The following ACACA variants were observed in gnomAD, a reference collection of about 807,000 sequenced individuals.
ACACA encodes the protein acetyl-CoA carboxylase alpha, also known as acetyl-CoA carboxylase 1.
ACACA carries 103 observed loss-of-function variants against 296.1 expected under a neutral mutation model. The observed-to-expected ratio is 0.35, with a 90% CI of 0.30 to 0.41. ACACA has a LOEUF of 0.41. Ranked by LOEUF, ACACA falls within the 10% of genes least tolerant of loss-of-function variation. ACACA has a pLI of 1.00. For synonymous variants in ACACA, 953 were observed against 1,038.6 expected (o/e 0.92, Z 1.58); for missense variants, 1,554 against 2,989.7 (o/e 0.52, Z 11.20).
intron 10 of ACACA, among the ~76,000 whole-genome samples, chr17:37,267,137 T>C (rs547610966): frequency 1.3e-5 from 2 of 152,374 alleles, no homozygotes; most frequent in South Asian, 4.1e-4. Flanking sequence ...TCTTAGTGAC[T>C]TGGTATAGCA....
intron 1 of ACACA, among the ~76,000 whole-genome samples, chr17:37,399,227 C>T (rs1302357274): frequency 3.3e-5 from 5 of 151,968 alleles, no homozygotes; most frequent in Non-Finnish European, 5.9e-5. Flanking sequence ...GTGATCCACC[C>T]GCCTCAGCCT....
At chr17:37,379,523 A>T (rs1257109390) in intron 1 of ACACA, 2 of 1,239,562 alleles carry the variant, frequency 1.6e-6, no homozygotes, top group African/African-American at 1.5e-5. Flanking sequence ...TTTTCTTGTA[A>T]ATTTGTTTGA....
chr17:37,356,026 C>T (rs147275842), intron 1 of ACACA, among the ~76,000 whole-genome samples: 16 of 151,966 alleles, frequency 1.1e-4, no homozygotes, highest in Admixed American at 3.9e-4. Flanking sequence ...AAAAATTAGC[C>T]GGGCATGGTG....
At chr17:37,093,380 G>A (rs1044972915) in intron 54 of ACACA, among the ~76,000 whole-genome samples, 26 of 152,220 alleles carry the variant, frequency 1.7e-4, no homozygotes, top group African/African-American at 6.3e-4. Flanking sequence ...CCTTTCCGCC[G>A]AGGTCAATCA....
rs2077132308 is a variant in ACACA at position 37,176,778 on chromosome 17, T to C, written c.5079+2482A>G. Among the ~76,000 whole-genome samples the C allele has an allele frequency of 1.3e-5, 2 of 152,188 alleles. 1 individual carries two copies. Among genetic ancestry groups the C allele is most frequent in the South Asian group, 4.1e-4 (2 of 4,828 alleles). ...CATGCTCCATTGTATGTTCAAGCTA[T>C]TGGTAGCAGAGTTTGATACTAACAC... On this transcript the variant is annotated intron_variant, in intron 41 of 55. Coordinates refer to ENST00000616317, the MANE Select transcript of ACACA (RefSeq NM_198834.3).
intron 10 of ACACA, among the ~76,000 whole-genome samples, chr17:37,267,702 CT>C (rs1270365348): frequency 6.6e-6 from 1 of 151,858 alleles, no homozygotes; most frequent in East Asian, 1.9e-4. Context: ...GTTACTGATT[CT>C]CTTCAACTGC....
intron 3 of ACACA, among the ~76,000 whole-genome samples, chr17:37,319,989 T>C (rs943277431): frequency 6.6e-6 from 1 of 151,566 alleles, no homozygotes; most frequent in Admixed American, 6.6e-5. Context: ...TAGCTGGGAA[T>C]GGTGGCACAT....
chr17:37,255,707 G>C lies in ACACA; in HGVS notation c.1826+1996C>G, dbSNP rs2081195964. ...TACAAAGTTTATGTCCCGTCGAAAA[G>C]AAGCAGTCACACAAAACTAGCTGTT... On this transcript the variant is annotated intron_variant, in intron 14 of 55. Coordinates refer to ENST00000616317, the MANE Select transcript of ACACA (RefSeq NM_198834.3). 2.0e-5 allele frequency among the ~76,000 whole-genome samples: 3 copies of C among 152,172 alleles called. No individual in the cohort carries two copies. In the South Asian group the frequency reaches 6.2e-4, roughly 32 times the overall value.
intron 1 of ACACA, among the ~76,000 whole-genome samples, chr17:37,353,425 G>A (rs113547733): frequency 1.3e-5 from 2 of 152,074 alleles, no homozygotes; most frequent in African/African-American, 4.8e-5. Context: ...CGGATCACTT[G>A]AGGTCAGGAG....
chr17:37,306,204 G>A (rs1024611505), intron 3 of ACACA, among the ~76,000 whole-genome samples: 3 of 151,948 alleles, frequency 2.0e-5, no homozygotes, highest in Non-Finnish European at 4.4e-5. Context: ...CACTGCACCC[G>A]GCCAGCAGTT....
chr17:37,211,605 T>C (rs1430512883), intron 29 of ACACA, among the ~76,000 whole-genome samples: 1 of 152,162 alleles, frequency 6.6e-6, no homozygotes, highest in Non-Finnish European at 1.5e-5. Context: ...ACAGAGGACT[T>C]AATGGGCAGA....
chr17:37,289,320 G>C (rs2082937315), intron 3 of ACACA: 1 of 531,922 alleles, frequency 1.9e-6, no homozygotes, highest in African/African-American at 2.0e-5. Context: ...AGGTATATCT[G>C]GCTGTAAATT....
At position 37,278,127 on chromosome 17, in the gene ACACA, T is replaced by C. The variant is rs2082354702; in HGVS notation, c.611-122A>G. 5.3e-6 allele frequency: 4 copies of C among 757,576 alleles called. No homozygotes were observed. The South Asian group carries it at 5.8e-5, about 11-fold the overall frequency. 46.9% of individuals were successfully genotyped at this position (757,576 alleles called of 1,614,324 possible). ...GTAACCACAGGACAAACAGCATTAG[T>C]AGGATAATTTCCAGGACCATTTAGT... On this transcript the variant is annotated intron_variant, in intron 5 of 55. Transcript: ENST00000616317.
chr17:37,260,286 ATATATATATATTTTTT>A (rs1242181654), intron 11 of ACACA, among the ~76,000 whole-genome samples: 14 of 30,892 alleles, frequency 4.5e-4, no homozygotes, highest in African/African-American at 6.3e-4. Flanking sequence ...ATATATATAT[ATATATATATATTTTTT>A]TTTTTTTTTT....
At chr17:37,373,876 C>T (rs1475043438) in intron 1 of ACACA, among the ~76,000 whole-genome samples, 1 of 152,106 alleles carries the variant, frequency 6.6e-6, no homozygotes, top group Non-Finnish European at 1.5e-5. Context: ...AATCACAAAA[C>T]CCAAGGAAGG....
chr17:37,264,711 CTT>C (rs1351536533), intron 10 of ACACA, among the ~76,000 whole-genome samples: 1 of 152,236 alleles, frequency 6.6e-6, no homozygotes, highest in Non-Finnish European at 1.5e-5. Flanking sequence ...GCTCCATTCT[CTT>C]TCTCTTCTCC....
chr17:37,385,789 T>G (rs888596038), intron 1 of ACACA, among the ~76,000 whole-genome samples: 1 of 152,182 alleles, frequency 6.6e-6, no homozygotes, highest in African/African-American at 2.4e-5. Flanking sequence ...CTATGTTAGT[T>G]AAAAGTCCCA....
chr17:37,128,458 T>C (rs564052645), intron 47 of ACACA, among the ~76,000 whole-genome samples: 2 of 152,372 alleles, frequency 1.3e-5, no homozygotes, highest in South Asian at 2.1e-4. Flanking sequence ...TTACACTTAA[T>C]AAAATACCTT....
chr17:37,168,329 T>G (rs138288798), intron 41 of ACACA, among the ~76,000 whole-genome samples: 1 of 152,204 alleles, frequency 6.6e-6, no homozygotes, highest in Non-Finnish European at 1.5e-5. Context: ...ATTATTGGGA[T>G]GATGAAATTG....
Sources: allele counts gnomAD v4.1 joint callset (sites outside exome capture counted in the v4.1 genomes callset), GRCh38; gene constraint gnomAD v4.1.1; transcripts MANE v1.5; gene names NCBI Gene and HGNC (gene_info 2026-07-23, HGNC 2026-07-21).